The following AVL9 variants were observed in gnomAD, a reference collection of about 807,000 sequenced individuals.
AVL9 encodes AVL9 cell migration associated.
A neutral mutation model predicts 79.2 loss-of-function variants in AVL9; 49 were observed. The ratio of observed to expected loss-of-function variants is 0.62; its 90% CI spans 0.49 to 0.79. The LOEUF (loss-of-function observed/expected upper bound fraction) is 0.79, where lower values mean the gene tolerates loss of function less well. Among genes scored for constraint, AVL9 ranks in the 30% least tolerant of loss-of-function variants. The pLI is 0.00. For missense variants in AVL9, 682 were observed against 776.8 expected (o/e 0.88, Z 1.45); for synonymous variants, 299 against 280.6 (o/e 1.07, Z -0.65).
At chr7:32,549,640 C>A (rs1050515355) in intron 4 of AVL9, among the ~76,000 whole-genome samples, 1 of 151,662 alleles carries the variant, frequency 6.6e-6, no homozygotes, top group Middle Eastern at 3.4e-3. Context: ...TGTGGCCGGG[C>A]ATGGTGGCTC....
intron 3 of AVL9, among the ~76,000 whole-genome samples, chr7:32,545,257 A>G (rs1207040439): frequency 6.8e-6 from 1 of 146,786 alleles, no homozygotes; most frequent in Non-Finnish European, 1.5e-5. Flanking sequence ...ACAGGTGTGC[A>G]CCACTGTGCC....
At chr7:32,577,025 G>C (rs1298575577) in intron 13 of AVL9, among the ~76,000 whole-genome samples, 1 of 151,962 alleles carries the variant, frequency 6.6e-6, no homozygotes, top group Non-Finnish European at 1.5e-5. Flanking sequence ...GTGTATACAG[G>C]AACTTGTTTT....
chr7:32,559,294 C>G lies in AVL9; in HGVS notation c.1045C>G (p.Gln349Glu), dbSNP rs1053163534. The G allele has an allele frequency of 3.1e-6, 5 of 1,614,062 alleles. No individual in the cohort carries two copies. In the African/African-American group the frequency reaches 5.3e-5, roughly 17 times the overall value. The change falls in exon 10 of 16, where the codon CAG becomes GAG. Residue 349 changes from glutamine (Q) to glutamate (E), a missense_variant. Physicochemically the swap from Gln to Glu is conservative, Grantham distance 29. Transcript: ENST00000318709. ...LEDPNLKERE[Q>E]LGSDQTNLFP... ...GGACCCCAACTTGAAAGAAAGGGAA[C>G]AGCTGGGATCAGACCAGACAAATTT...
At chr7:32,558,486 C>G in intron 8 of AVL9, 73 bp from the exon 9 acceptor site, 3 of 1,199,238 alleles carry the variant, frequency 2.5e-6, no homozygotes, top group Non-Finnish European at 3.6e-6. Context: ...GAATTTTTCC[C>G]TCTTTTTTAT....
chr7:32,545,388 T>A (rs1789442955), intron 3 of AVL9, among the ~76,000 whole-genome samples: 1 of 110,000 alleles, frequency 9.1e-6, no homozygotes, highest in African/African-American at 3.4e-5. Flanking sequence ...TTTTTTTTTT[T>A]TGAGGAGGAG....
intron 1 of AVL9, among the ~76,000 whole-genome samples, chr7:32,507,495 T>C (rs961821247): frequency 4.6e-5 from 7 of 152,220 alleles, no homozygotes; most frequent in African/African-American, 1.7e-4. Context: ...GGAAATATAA[T>C]CATATATTAT....
chr7:32,579,476 ATT>A (rs1791314934), intron 13 of AVL9, among the ~76,000 whole-genome samples: 1 of 10,352 alleles, frequency 9.7e-5, no homozygotes, highest in African/African-American at 5.1e-4. Context: ...AATATATTAT[ATT>A]ATATATAATA....
chr7:32,568,906 G>T lies in AVL9; in HGVS notation c.1216-1114G>T, dbSNP rs189619849. Among the ~76,000 whole-genome samples the T allele has an allele frequency of 2.0e-5, 3 of 152,150 alleles. No individual in the cohort carries two copies. In the East Asian group the frequency reaches 5.8e-4, roughly 29 times the overall value. ...GATTTATTTTTGCTGCTTCTGTTAG[G>T]GTCTGATCAAGCAACAAAAGACATT... On this transcript the variant is annotated intron_variant, in intron 10 of 15. Coordinates refer to ENST00000318709, the MANE Select transcript of AVL9 (RefSeq NM_015060.3).
chr7:32,579,562 T>TA lies in AVL9; in HGVS notation c.1689-657_1689-656insA, dbSNP rs1554348195. Among the ~76,000 whole-genome samples the TA allele has an allele frequency of 5.7e-3, 20 of 3,494 alleles. 3 individuals carry two copies. Among genetic ancestry groups the TA allele is most frequent in the African/African-American group, 0.018 (19 of 1,030 alleles). 2.3% of individuals were successfully genotyped at this position (3,494 alleles called of 152,430 possible). On this transcript the variant is annotated intron_variant, in intron 13 of 15. Transcript: ENST00000318709. ...TATATATTATATATTATATATTATA[T>TA]TATATATTATATTATATATTATATA...
intron 12 of AVL9, among the ~76,000 whole-genome samples, chr7:32,575,089 TTTTTG>T (rs10634953): frequency 4.8e-4 from 71 of 149,470 alleles, no homozygotes; most frequent in African/African-American, 1.5e-3. Flanking sequence ...TTTAAGACTT[TTTTTG>T]TTTTGTTTTG....
At chr7:32,526,495 C>A (rs2128126427) in intron 1 of AVL9, among the ~76,000 whole-genome samples, 1 of 152,204 alleles carries the variant, frequency 6.6e-6, no homozygotes, top group South Asian at 2.1e-4. Flanking sequence ...TTTTATAAAC[C>A]AGTTTGCACA....
intron 13 of AVL9, among the ~76,000 whole-genome samples, chr7:32,577,720 T>C (rs1350035140): frequency 5.3e-5 from 8 of 152,284 alleles, no homozygotes; most frequent in South Asian, 4.1e-4. Context: ...AAAAGAGACT[T>C]AGCTGAAATG....
intron 3 of AVL9, among the ~76,000 whole-genome samples, chr7:32,545,178 G>A (rs140902287): frequency 6.6e-5 from 10 of 150,858 alleles, no homozygotes; most frequent in African/African-American, 2.4e-4. Flanking sequence ...TTGCTATTTT[G>A]CCCAGGCTGG....
chr7:32,516,718 T>C (rs1787915897), intron 1 of AVL9, among the ~76,000 whole-genome samples: 1 of 146,748 alleles, frequency 6.8e-6, no homozygotes, highest in Non-Finnish European at 1.5e-5. Context: ...TATGGAGTCC[T>C]GCCAATAACC....
In AVL9 at chr7:32,500,059, CTG is replaced by C. The variant is rs1379182374; in HGVS notation, c.93+4265_93+4266del. ...GTGAATAGTGCTGCAATAAACGTGT[CTG>C]TGTGTGTCTTTATAGTAGAATGATG... is the stretch of plus-strand genomic sequence containing the variant. On this transcript the variant is annotated intron_variant, in intron 1 of 15. Coordinates refer to ENST00000318709, the MANE Select transcript of AVL9 (RefSeq NM_015060.3). Among the ~76,000 whole-genome samples the C allele has an allele frequency of 1.2e-4, 18 of 152,090 alleles. No homozygotes were observed. In the South Asian group the frequency reaches 3.7e-3, roughly 32 times the overall value.
intron 15 of AVL9, among the ~76,000 whole-genome samples, chr7:32,583,450 C>T (rs1303387582): frequency 1.1e-4 from 16 of 152,212 alleles, no homozygotes; most frequent in Admixed American, 2.0e-4. Context: ...GTGATCCCAA[C>T]ACTTTGGGAG....
chr7:32,566,174 A>ATTTATTTTTTTT (rs1562792833), intron 10 of AVL9, among the ~76,000 whole-genome samples: 5 of 129,904 alleles, frequency 3.8e-5, no homozygotes, highest in Admixed American at 2.5e-4. Context: ...TTTAATTATT[A>ATTTATTTTTTTT]TTATTATTTT....
intron 13 of AVL9, among the ~76,000 whole-genome samples, chr7:32,579,353 AATAT>A (rs1334065100): frequency 4.8e-5 from 4 of 82,690 alleles, no homozygotes; most frequent in African/African-American, 1.4e-4. Context: ...TATTTTATAT[AATAT>A]ATAACATATA....
At chr7:32,537,532 G>A (rs1377605667) in intron 1 of AVL9, 1 of 143,106 alleles carries the variant, frequency 7.0e-6, no homozygotes, top group Non-Finnish European at 1.5e-5. Flanking sequence ...GCGCCATCTC[G>A]GCTCACTGCA....
Sources: allele counts gnomAD v4.1 joint callset (sites outside exome capture counted in the v4.1 genomes callset), GRCh38; gene constraint gnomAD v4.1.1; transcripts MANE v1.5; gene names NCBI Gene and HGNC (gene_info 2026-07-23, HGNC 2026-07-21).